ELFN1: variants seen among roughly 807,000 people sequenced by gnomAD.
The protein encoded by ELFN1 is extracellular leucine rich repeat and fibronectin type III domain containing 1, also known as protein ELFN1.
ELFN1 carries 6 observed loss-of-function variants against 7.6 expected under a neutral mutation model. The ratio of observed to expected loss-of-function variants is 0.79; its 90% confidence interval spans 0.43 to 1.56. ELFN1 has a LOEUF of 1.56. ELFN1 is among the 40% of genes most tolerant of loss of function. The pLI is 0.01. For missense variants in ELFN1, 1,169 were observed against 1,232.2 expected (o/e 0.95, Z 0.77); for synonymous variants, 657 against 588.1 (o/e 1.12, Z -1.70).
intron 3 of ELFN1, among the ~76,000 whole-genome samples, chr7:1,723,162 C>T (rs1202465375): frequency 6.6e-6 from 1 of 152,196 alleles, no homozygotes; most frequent in Non-Finnish European, 1.5e-5. Context: ...CCACTGCACT[C>T]CAGCCTGGGT....
At chr7:1,682,151 A>G (rs186941283) in intron 1 of ELFN1, among the ~76,000 whole-genome samples, 323 of 152,170 alleles carry the variant, frequency 2.1e-3, no homozygotes, top group African/African-American at 7.5e-3. Context: ...TTTATGGAGC[A>G]TGTTTTGGGT....
rs987846084 is a variant in ELFN1 at position 1,686,767 on chromosome 7, T to G, written c.-548-1291T>G. 3.3e-5 allele frequency among the ~76,000 whole-genome samples: 5 copies of G among 152,170 alleles called. No individual in the cohort carries two copies. The East Asian group carries it at 9.6e-4, about 29-fold the overall frequency. On this transcript the variant is annotated intron_variant, in intron 1 of 3. Transcript: ENST00000424383. ...GCAGGCCAGAAATTTGTGAATTGCT[T>G]GGGCCCTCTCTGCTGTCCCCTGTGT...
chr7:1,733,912 G>A (rs1036159929), intron 3 of ELFN1, among the ~76,000 whole-genome samples: 1 of 152,142 alleles, frequency 6.6e-6, no homozygotes, highest in African/African-American at 2.4e-5. Context: ...CTTAGCAGGA[G>A]GTCCTGTTCT....
rs1408434570 is a variant in ELFN1 at position 1,744,816 on chromosome 7, A to G, written c.220A>G (p.Ser74Gly). 2 of 1,565,740 alleles carry G rather than the reference A, an allele frequency of 1.3e-6. No homozygotes were observed. Among genetic ancestry groups the G allele is most frequent in the Admixed American group, 3.8e-5 (2 of 52,444 alleles). ...GCGGCTCAACGAGAACCGTATCCGC[A>G]GCGTGCAGTACGCCTCGCTCAGCCG... ...DLRLNENRIR[S>G]VQYASLSRFG... The change falls in exon 4 of 4, where the codon AGC becomes GGC. Residue 74 changes from serine to glycine, a missense_variant. By Grantham distance (56) the Ser-to-Gly change is moderately conservative. Coordinates refer to ENST00000424383, the MANE Select transcript of ELFN1 (RefSeq NM_001128636.4).
At chr7:1,706,887 C>A (rs1396616317) in intron 2 of ELFN1, among the ~76,000 whole-genome samples, 1 of 152,214 alleles carries the variant, frequency 6.6e-6, no homozygotes, top group African/African-American at 2.4e-5. Flanking sequence ...GCATTGGATG[C>A]CTGGGCCTGG....
chr7:1,680,817 C>T (rs970759875), intron 1 of ELFN1, among the ~76,000 whole-genome samples: 2 of 150,704 alleles, frequency 1.3e-5, no homozygotes, highest in African/African-American at 2.4e-5. Context: ...TCTCGGCTCA[C>T]AGCAGCCTCC....
At chr7:1,724,524 G>A (rs1259638054) in intron 3 of ELFN1, among the ~76,000 whole-genome samples, 1 of 152,142 alleles carries the variant, frequency 6.6e-6, no homozygotes, top group East Asian at 1.9e-4. Context: ...TTGGATCTTG[G>A]TCCTGGCCCT....
At chr7:1,743,506 C>T (rs540391045) in intron 3 of ELFN1, among the ~76,000 whole-genome samples, 61 of 152,304 alleles carry the variant, frequency 4.0e-4, no homozygotes, top group Admixed American at 2.0e-3. Context: ...GTCCCAGTGC[C>T]GGGTAGACGC....
intron 1 of ELFN1, among the ~76,000 whole-genome samples, 136 bp from the exon 2 acceptor site, chr7:1,687,922 G>A (rs915709160): frequency 6.6e-6 from 1 of 151,524 alleles, no homozygotes; most frequent in Non-Finnish European, 1.5e-5. Flanking sequence ...ATAGAGACAG[G>A]GTCTTACTAT....
At chr7:1,715,308 C>A (rs909037899) in intron 3 of ELFN1, among the ~76,000 whole-genome samples, 1 of 152,170 alleles carries the variant, frequency 6.6e-6, no homozygotes, top group Non-Finnish European at 1.5e-5. Context: ...AGATGAGCCA[C>A]GGCCCACTGT....
chr7:1,728,801 G>T (rs757741133), intron 3 of ELFN1, among the ~76,000 whole-genome samples: 4 of 152,172 alleles, frequency 2.6e-5, no homozygotes, highest in African/African-American at 4.8e-5. Context: ...AGCTCCACCC[G>T]GGTCCCAGCT....
At chr7:1,724,147 A>G (rs180788041) in intron 3 of ELFN1, among the ~76,000 whole-genome samples, 29 of 152,354 alleles carry the variant, frequency 1.9e-4, no homozygotes, top group East Asian at 1.9e-4. Context: ...CAGGGTTACC[A>G]TAAGTATCCA....
In ELFN1 at chr7:1,695,346, G is replaced by A. The variant is rs1388880937; in HGVS notation, c.-456+7196G>A. 6.6e-6 allele frequency among the ~76,000 whole-genome samples: 1 copy of A among 152,160 alleles called. No individual in the cohort carries two copies. The highest frequency in any genetic ancestry group is 1.9e-4 in the East Asian group (1 of 5,194). ...AGCTCAGGGCTCAGGTGTCCGCGTC[G>A]AGGGCACTCCCTAAAGGGCAGGAGC... On this transcript the variant is annotated intron_variant, in intron 2 of 3. Coordinates refer to ENST00000424383, the MANE Select transcript of ELFN1 (RefSeq NM_001128636.4). The surrounding 1 kb of genome is among the most constrained non-coding windows in gnomAD (Gnocchi z 5.1).
At chr7:1,671,637 GA>G (rs140760166) in intron 1 of ELFN1, among the ~76,000 whole-genome samples, 3,621 of 152,366 alleles carry the variant, frequency 0.024, 143 homozygotes, top group African/African-American at 0.083. Context: ...AGCCTTGGGG[GA>G]AACCCCATTG....
chr7:1,666,892 C>A (rs930726891), upstream of ELFN1, among the ~76,000 whole-genome samples: 17 of 151,786 alleles, frequency 1.1e-4, no homozygotes, highest in African/African-American at 4.1e-4. The surrounding 1 kb of genome is among the most constrained non-coding windows in gnomAD (Gnocchi z 7.9). Context: ...GCTCTGCCGA[C>A]CGCTGCGGAG....
rs543727078 is a variant in ELFN1 at position 1,679,079 on chromosome 7, C to A, written c.-549+8725C>A. 2.2e-3 allele frequency among the ~76,000 whole-genome samples: 331 copies of A among 152,262 alleles called. 2 individuals are homozygous for A. The highest frequency in any genetic ancestry group is 4.1e-3 in the Non-Finnish European group (277 of 67,998). The stretch of plus-strand genomic sequence containing the variant: ...TGAGTTACACACTAATGATTATGCC[C>A]GTCTTGCAGGGATGTTGGCACCTAC... On this transcript the variant is annotated intron_variant, in intron 1 of 3. Transcript: ENST00000424383.
In ELFN1 at chr7:1,676,481, G is replaced by A. The variant is rs1003891549; in HGVS notation, c.-549+6127G>A. 2.6e-5 allele frequency among the ~76,000 whole-genome samples: 4 copies of A among 152,238 alleles called. No homozygotes were observed. The South Asian group carries it at 6.2e-4, about 24-fold the overall frequency. ...GGCCTCTCCTCCGTCATGTGAGGAC[G>A]GGGGTGGATGGATGGCTGTGGGGAG... On this transcript the variant is annotated intron_variant, in intron 1 of 3. Coordinates refer to ENST00000424383, the MANE Select transcript of ELFN1 (RefSeq NM_001128636.4).
chr7:1,727,812 T>A (rs952252098), intron 3 of ELFN1, among the ~76,000 whole-genome samples: 1 of 152,184 alleles, frequency 6.6e-6, no homozygotes, highest in Non-Finnish European at 1.5e-5. Flanking sequence ...CTTGCTTTGT[T>A]GCCCAGTCGG....
intron 3 of ELFN1, among the ~76,000 whole-genome samples, chr7:1,715,133 G>A (rs761444527): frequency 1.1e-4 from 16 of 152,184 alleles, no homozygotes; most frequent in Admixed American, 5.9e-4. Context: ...CTCAGCCAAC[G>A]GCAGAGAAGA....
Sources: allele counts gnomAD v4.1 joint callset (sites outside exome capture counted in the v4.1 genomes callset), GRCh38; gene constraint gnomAD v4.1.1; non-coding constraint Gnocchi (gnomAD v3.1); transcripts MANE v1.5; gene names NCBI Gene and HGNC (gene_info 2026-07-23, HGNC 2026-07-21).